VANGL1: variants seen among roughly 807,000 people sequenced by gnomAD.
VANGL1 encodes the protein vang-like protein 1.
Under a neutral mutation model 48.4 loss-of-function variants are expected in VANGL1, and 18 were observed. The observed-to-expected ratio is 0.37, with a 90% CI of 0.26 to 0.55. The LOEUF is 0.55. Among genes scored for constraint, VANGL1 ranks in the 20% least tolerant of loss-of-function variants. The pLI is 0.81. For synonymous variants in VANGL1, 257 were observed against 261.8 expected (o/e 0.98, Z 0.18); for missense variants, 667 against 675.8 (o/e 0.99, Z 0.14).
intron 4 of VANGL1, among the ~76,000 whole-genome samples, chr1:115,669,261 C>G (rs1652892405): frequency 6.6e-6 from 1 of 152,164 alleles, no homozygotes; most frequent in Non-Finnish European, 1.5e-5. Flanking sequence ...CACAGTGACC[C>G]ATTCTATAGG....
At chr1:115,658,110 A>C (rs1415855500) in intron 2 of VANGL1, among the ~76,000 whole-genome samples, 1 of 152,172 alleles carries the variant, frequency 6.6e-6, no homozygotes, top group African/African-American at 2.4e-5. Flanking sequence ...TCAGCAATAG[A>C]GTGTGATTAT....
At chr1:115,690,482 C>A (rs1415958363) in intron 7 of VANGL1, among the ~76,000 whole-genome samples, 2 of 152,208 alleles carry the variant, frequency 1.3e-5, no homozygotes, top group African/African-American at 4.8e-5. Context: ...CACACTTAGC[C>A]CAACATGGAA....
chr1:115,680,819 T>G (rs1653356332), intron 4 of VANGL1, among the ~76,000 whole-genome samples: 1 of 151,982 alleles, frequency 6.6e-6, no homozygotes. Context: ...ACCTGGAGAG[T>G]GTTGGAACAC....
intron 2 of VANGL1, 131 bp downstream of exon 2, chr1:115,651,615 A>G: frequency 1.3e-6 from 1 of 756,996 alleles, no homozygotes; most frequent in Non-Finnish European, 2.3e-6. Context: ...GCTGAGCTTT[A>G]AGAGCATTTA....
At chr1:115,678,884 G>A (rs1570765605) in intron 4 of VANGL1, among the ~76,000 whole-genome samples, 1 of 151,634 alleles carries the variant, frequency 6.6e-6, no homozygotes, top group African/African-American at 2.4e-5. Context: ...GAACCTGGAG[G>A]TGGAGGTTGC....
chr1:115,677,699 C>T (rs977885698), intron 4 of VANGL1, among the ~76,000 whole-genome samples: 4 of 152,184 alleles, frequency 2.6e-5, no homozygotes, highest in Non-Finnish European at 4.4e-5. Context: ...AGCACAGAGT[C>T]CTCTATCTTG....
chr1:115,644,456 T>G (rs1651840568), intron 1 of VANGL1, among the ~76,000 whole-genome samples: 1 of 152,248 alleles, frequency 6.6e-6, no homozygotes, highest in Non-Finnish European at 1.5e-5. Context: ...CTATTCTATT[T>G]TCCTTAAGAT....
chr1:115,672,541 A>T (rs1226085868), intron 4 of VANGL1, among the ~76,000 whole-genome samples: 1 of 152,084 alleles, frequency 6.6e-6, no homozygotes, highest in Non-Finnish European at 1.5e-5. Flanking sequence ...CTCAAGCAGA[A>T]ACCTGTGGAT....
At chr1:115,681,070 C>T (rs1436857644) in intron 4 of VANGL1, among the ~76,000 whole-genome samples, 1 of 152,150 alleles carries the variant, frequency 6.6e-6, no homozygotes, top group Non-Finnish European at 1.5e-5. Context: ...ATCAGAGTTC[C>T]AGCTCTCCTG....
chr1:115,664,236 C>A lies in VANGL1; in HGVS notation c.780C>A (p.Gly260=). 1 of 1,613,970 alleles carries A rather than the reference C, an allele frequency of 6.2e-7. No individual in the cohort carries two copies. Among genetic ancestry groups the A allele is most frequent in the Non-Finnish European group, 8.5e-7 (1 of 1,179,962 alleles). Residue 260 remains glycine (G), a synonymous_variant, in exon 4 of 8, where the codon GGC becomes GGA. Transcript: ENST00000355485. ...FTLQVVRSTD[G]ESRFYSLGHL... ...TGCAGGTGGTCCGCTCCACCGATGG[C>A]GAGTCCCGCTTCTACAGCCTGGGAC...
rs1438006759 is a variant in VANGL1 at position 115,659,753 on chromosome 1, A to G, written c.184A>G (p.Thr62Ala). 6.2e-6 allele frequency: 10 copies of G among 1,613,936 alleles called. No individual in the cohort carries two copies. The highest frequency in any genetic ancestry group is 2.2e-5 in the East Asian group (1 of 44,890). Residue 62 changes from threonine to alanine, a missense_variant, in exon 3 of 8, where the codon ACT becomes GCT. Physicochemically the swap from Thr to Ala is moderately conservative, Grantham distance 58 (BLOSUM62 0). Transcript: ENST00000355485. ...TGEPLLGNDS[T>A]RTEEVQDDNW... The stretch of plus-strand genomic sequence containing the variant: ...AGAGCCCCTGTTGGGAAATGATTCT[A>G]CTCGGACAGAGGAAGTTCAGGTAAG...
At position 115,685,304 on chromosome 1, in the gene VANGL1, C is replaced by T. The variant is rs1413942598; in HGVS notation, c.1091C>T (p.Ala364Val). ...GCATCACCTTCTAGGCTGGTGGTTGCAGTGGAAGAGGCCTTCATCCACATT... is the reference window on the plus strand; with the variant it reads ...GCATCACCTTCTAGGCTGGTGGTTGTAGTGGAAGAGGCCTTCATCCACATT... Reference protein sequence around the residue: ...VKKRKARLVVAVEEAFIHIQR... With the variant: ...VKKRKARLVVVVEEAFIHIQR... Residue 364 changes from alanine to valine, a missense_variant, in exon 7 of 8, where the codon GCA becomes GTA. Transcript: ENST00000355485. 1.9e-6 allele frequency: 3 copies of T among 1,614,006 alleles called. No homozygotes were observed. Among genetic ancestry groups the T allele is most frequent in the Non-Finnish European group, 1.7e-6 (2 of 1,180,012 alleles).
intron 7 of VANGL1, 69 bp downstream of exon 7, chr1:115,685,596 T>C (rs1653575297): frequency 6.6e-7 from 1 of 1,517,092 alleles, no homozygotes; most frequent in South Asian, 1.2e-5. Flanking sequence ...AGTTGAATTA[T>C]AGCGTGTTAC....
rs1051335647 is a variant in VANGL1, at chr1:115,681,823, C to T, written c.813-541C>T. ...CGCGTGGCCAAGGCCCTCTTAAGTA[C>T]GCTCTGCCCTGGATGGCTGCAGTTG... On this transcript the variant is annotated intron_variant, in intron 4 of 7. Coordinates refer to ENST00000355485, the MANE Select transcript of VANGL1 (RefSeq NM_138959.3). Among the ~76,000 whole-genome samples the T allele has an allele frequency of 5.3e-5, 8 of 152,200 alleles. No individual in the cohort carries two copies. In the East Asian group the frequency reaches 7.7e-4, roughly 15 times the overall value.
At chr1:115,642,632 G>T (rs956923866) in intron 1 of VANGL1, 4 of 152,240 alleles carry the variant, frequency 2.6e-5, no homozygotes, top group African/African-American at 7.2e-5. Context: ...TGCACACCTC[G>T]CTCACAAAAA....
At position 115,696,609 on chromosome 1, in the gene VANGL1, TC is replaced by T. The variant is rs1188364669; in HGVS notation, c.*5231del. The T allele has an allele frequency of 6.6e-6, 1 of 152,170 alleles. No homozygotes were observed. The highest frequency in any genetic ancestry group is 2.4e-5 in the African/African-American group (1 of 41,432). The allele number at this position is 152,170 out of a possible 1,614,324, so 9.4% of individuals were successfully genotyped here. On this transcript the variant is annotated 3_prime_UTR_variant, in exon 8 of 8. Coordinates refer to ENST00000355485, the MANE Select transcript of VANGL1 (RefSeq NM_138959.3). Reference sequence around the variant, plus strand: ...TGCGATGGATTAGAAATGTAAAACTTCAGAATAAAATTAAATTTCAGGGCTC... The same window carrying T: ...TGCGATGGATTAGAAATGTAAAACTTAGAATAAAATTAAATTTCAGGGCTC...
chr1:115,685,215 G>A, intron 6 of VANGL1, 78 bp from the exon 7 acceptor site: 1 of 1,524,660 alleles, frequency 6.6e-7, no homozygotes, highest in Non-Finnish European at 9.0e-7. Context: ...GGCCGCAGCA[G>A]GGTAGACAAG....
In VANGL1 at chr1:115,688,408, G is replaced by C. The variant is rs1228279666; in HGVS notation, c.1315-2711G>C. On this transcript the variant is annotated intron_variant, in intron 7 of 7. Coordinates refer to ENST00000355485, the MANE Select transcript of VANGL1 (RefSeq NM_138959.3). ...CACAGAGCCATGCCCTGTTATTTAT[G>C]TATCACCTATGGCTGCTTTCACTTT... Among the ~76,000 whole-genome samples the C allele has an allele frequency of 1.4e-5, 2 of 139,040 alleles. 1 individual carries two copies. The highest frequency in any genetic ancestry group is 5.4e-5 in the African/African-American group (2 of 37,036). 91.2% of individuals were successfully genotyped at this position (139,040 alleles called of 152,430 possible).
At chr1:115,657,461 CAAT>C (rs2101322098) in intron 2 of VANGL1, among the ~76,000 whole-genome samples, 1 of 152,234 alleles carries the variant, frequency 6.6e-6, no homozygotes, top group Admixed American at 6.5e-5. Context: ...AGAATGAAGA[CAAT>C]GATACTGCCT....
Sources: allele counts gnomAD v4.1 joint callset (sites outside exome capture counted in the v4.1 genomes callset), GRCh38; gene constraint gnomAD v4.1.1; transcripts MANE v1.5; gene names NCBI Gene and HGNC (gene_info 2026-07-23, HGNC 2026-07-21).